The following NLGN1 variants were observed in gnomAD, a reference collection of about 807,000 sequenced individuals.
The protein encoded by NLGN1 is neuroligin 1.
Under a neutral mutation model 65.5 loss-of-function variants are expected in NLGN1, and 12 were observed. The observed-to-expected ratio is 0.18, with a 90% confidence interval of 0.12 to 0.30. The LOEUF (loss-of-function observed/expected upper bound fraction) is 0.30, where lower values mean the gene tolerates loss of function less well. Ranked by LOEUF, NLGN1 falls within the 10% of genes least tolerant of loss-of-function variation. NLGN1 has a pLI of 1.00. For missense variants in NLGN1, 750 were observed against 1,007.1 expected (o/e 0.74, Z 3.46); for synonymous variants, 350 against 359.5 (o/e 0.97, Z 0.30).
At chr3:173,736,597 C>A (rs1345750286) in intron 3 of NLGN1, among the ~76,000 whole-genome samples, 1 of 151,760 alleles carries the variant, frequency 6.6e-6, no homozygotes, top group Non-Finnish European at 1.5e-5. Context: ...AGTCCTCCAT[C>A]TTTTTAGAAG....
intron 2 of NLGN1, among the ~76,000 whole-genome samples, chr3:173,546,845 A>G (rs975192381): frequency 3.3e-5 from 5 of 152,232 alleles, no homozygotes; most frequent in Non-Finnish European, 7.3e-5. Flanking sequence ...ATGATTAAAT[A>G]TCTTATATTC....
At chr3:173,873,971 T>C (rs772137784) in intron 4 of NLGN1, among the ~76,000 whole-genome samples, 1 of 152,086 alleles carries the variant, frequency 6.6e-6, no homozygotes, top group African/African-American at 2.4e-5. Context: ...GAGTAAAATA[T>C]AGACAACACA....
intron 2 of NLGN1, among the ~76,000 whole-genome samples, chr3:173,545,069 G>GTTTTGT (rs112167290): frequency 1.3e-5 from 2 of 150,600 alleles, no homozygotes; most frequent in African/African-American, 4.9e-5. Flanking sequence ...TGTTTTTTTT[G>GTTTTGT]TTTGTTTTGT....
intron 3 of NLGN1, among the ~76,000 whole-genome samples, chr3:173,779,444 C>T (rs550474647): frequency 6.7e-6 from 1 of 149,628 alleles, no homozygotes; most frequent in African/African-American, 2.5e-5. Flanking sequence ...TGGAGGGTTA[C>T]TTTTTTATTC....
intron 4 of NLGN1, among the ~76,000 whole-genome samples, chr3:173,904,673 C>T (rs1579094993): frequency 6.6e-6 from 1 of 152,110 alleles, no homozygotes; most frequent in African/African-American, 2.4e-5. Flanking sequence ...AAGAGACACT[C>T]ATATTCTTTT....
chr3:174,006,793 G>A (rs1476893275), intron 4 of NLGN1, among the ~76,000 whole-genome samples: 2 of 152,142 alleles, frequency 1.3e-5, no homozygotes, highest in East Asian at 3.9e-4. Context: ...TTAAGGCCAG[G>A]CATGGGGGCT....
At chr3:173,919,190 G>A (rs185612227) in intron 4 of NLGN1, among the ~76,000 whole-genome samples, 111 of 152,176 alleles carry the variant, frequency 7.3e-4, no homozygotes, top group Middle Eastern at 3.4e-3. Flanking sequence ...TATTTGTAAC[G>A]TAACATATTC....
At chr3:173,823,566 A>C (rs1162762758) in intron 4 of NLGN1, among the ~76,000 whole-genome samples, 5 of 152,098 alleles carry the variant, frequency 3.3e-5, no homozygotes, top group Admixed American at 3.3e-4. Context: ...GTTGTGCATA[A>C]CAGAAAACAC....
exon 4 of NLGN1, chr3:173,807,734 C>T: frequency 6.2e-7 from 1 of 1,613,688 alleles, no homozygotes; most frequent in South Asian, 1.1e-5. Context: ...CATGGTGGCT[C>T]ATATATGGAA....
At chr3:173,631,557 C>T (rs531656582) in intron 3 of NLGN1, among the ~76,000 whole-genome samples, 4 of 152,086 alleles carry the variant, frequency 2.6e-5, no homozygotes, top group Admixed American at 6.5e-5. Flanking sequence ...CTTCTCTCTT[C>T]GTACTTCATG....
intron 4 of NLGN1, among the ~76,000 whole-genome samples, chr3:174,228,749 C>T (rs1451587973): frequency 2.0e-5 from 3 of 152,054 alleles, no homozygotes; most frequent in Non-Finnish European, 4.4e-5. Context: ...TGCCCACAAA[C>T]AAGCATTTTT....
At chr3:173,557,267 A>T (rs1741869518) in intron 2 of NLGN1, among the ~76,000 whole-genome samples, 1 of 152,162 alleles carries the variant, frequency 6.6e-6, no homozygotes, top group South Asian at 2.1e-4. Flanking sequence ...CTATCATCAT[A>T]GCCACACCAG....
chr3:173,446,718 A>G (rs1720422791), intron 2 of NLGN1, among the ~76,000 whole-genome samples: 1 of 152,190 alleles, frequency 6.6e-6, no homozygotes, highest in Non-Finnish European at 1.5e-5. Context: ...CATCCTCTCC[A>G]GCACCTGTTG....
rs182187584 is a variant in NLGN1, at chr3:173,621,203, G to A, written c.493+16112G>A. ...GACTAGAGAGGTCATTAAGGAGGAA[G>A]AAATGTTATAGCTCTTCATAAAAAT... is the stretch of plus-strand genomic sequence containing the variant. On this transcript the variant is annotated intron_variant, in intron 3 of 6. Transcript: ENST00000457714. Among the ~76,000 whole-genome samples, 20 of 152,236 alleles carry A rather than the reference G, an allele frequency of 1.3e-4. No homozygotes were observed. The East Asian group carries it at 2.3e-3, about 18-fold the overall frequency.
chr3:174,270,797 A>G (rs1749253322), intron 4 of NLGN1, among the ~76,000 whole-genome samples: 2 of 151,870 alleles, frequency 1.3e-5, no homozygotes. Context: ...AAAGATAAGG[A>G]GAGTTAGCAC....
chr3:173,819,199 T>C (rs2150520846), intron 4 of NLGN1, among the ~76,000 whole-genome samples: 2 of 152,250 alleles, frequency 1.3e-5, no homozygotes, highest in Non-Finnish European at 2.9e-5. Flanking sequence ...CTTCTTTCTA[T>C]TCCCATTGCT....
intron 4 of NLGN1, among the ~76,000 whole-genome samples, chr3:173,903,072 A>G (rs1038777811): frequency 2.6e-5 from 4 of 152,146 alleles, no homozygotes; most frequent in African/African-American, 4.8e-5. Flanking sequence ...AGTTCTGGAA[A>G]AGTTTAGCAT....
chr3:173,563,843 C>T (rs9868368), intron 2 of NLGN1, among the ~76,000 whole-genome samples: 1,700 of 152,298 alleles, frequency 0.011, 28 homozygotes, highest in African/African-American at 0.039. Flanking sequence ...GCTCGTCTTC[C>T]TGTTTCCATC....
At chr3:174,205,267 GT>G (rs903508037) in intron 4 of NLGN1, among the ~76,000 whole-genome samples, 1 of 151,964 alleles carries the variant, frequency 6.6e-6, no homozygotes, top group African/African-American at 2.4e-5. Flanking sequence ...ATCATATTCT[GT>G]TTTTAGAATA....
Sources: gnomAD v4.1 joint callset for allele counts (sites outside exome capture counted in the v4.1 genomes callset) on GRCh38, gnomAD v4.1.1 for gene constraint, MANE v1.5 for transcripts, NCBI Gene and HGNC (gene_info 2026-07-23, HGNC 2026-07-21) for gene names.